Variants in MYL12A observed in about 807,000 individuals in gnomAD.
MYL12A encodes the protein myosin light chain 12A.
Under a neutral mutation model 13.3 loss-of-function variants are expected in MYL12A, and 11 were observed. The observed-to-expected ratio is 0.83, with a 90% CI of 0.52 to 1.37. The LOEUF (loss-of-function observed/expected upper bound fraction) is 1.37, where lower values mean the gene tolerates loss of function less well. Ranked by LOEUF, MYL12A falls within the 40% of genes most tolerant of loss-of-function variation. MYL12A has a pLI of 0.00. For synonymous variants in MYL12A, 51 were observed against 69.9 expected, an observed-to-expected ratio of 0.73 and a Z score of 1.35; for missense variants, 146 against 212.3, an observed-to-expected ratio of 0.69 and a Z score of 1.94.
intron 2 of MYL12A, 60 bp from the exon 3 acceptor site, chr18:3,253,829 C>A (rs1356642696): frequency 1.3e-6 from 2 of 1,489,310 alleles, no homozygotes; most frequent in South Asian, 2.5e-5. Context: ...TGTTTACTGT[C>A]ATTAATAGTT....
chr18:3,254,198 C>T, intron 3 of MYL12A, 148 bp downstream of exon 3: 2 of 926,698 alleles, frequency 2.2e-6, no homozygotes, highest in South Asian at 1.8e-5. Flanking sequence ...GTTTGTCACT[C>T]ACTTTGCTGC....
At chr18:3,252,235 C>A in intron 1 of MYL12A, 3 of 1,146,804 alleles carry the variant, frequency 2.6e-6, no homozygotes, top group Non-Finnish European at 3.7e-6. Flanking sequence ...TATTTTAGAC[C>A]TGCTTGGAAG....
intron 3 of MYL12A, 99 bp from the exon 4 acceptor site, chr18:3,255,647 G>A (rs2081529291): frequency 2.2e-6 from 3 of 1,374,914 alleles, no homozygotes; most frequent in Non-Finnish European, 2.9e-6. Flanking sequence ...CATGTTTATA[G>A]TTTGTAACAT....
chr18:3,255,638 A>G, intron 3 of MYL12A, 108 bp from the exon 4 acceptor site: 1 of 1,332,488 alleles, frequency 7.5e-7, no homozygotes, highest in Non-Finnish European at 1.0e-6. Flanking sequence ...ATATATTTGC[A>G]TGTTTATAGT....
At chr18:3,248,055 C>T (rs2081447662) in intron 1 of MYL12A, 146 bp downstream of exon 1, 1 of 152,198 alleles carries the variant, frequency 6.6e-6, no homozygotes, top group East Asian at 1.9e-4. Flanking sequence ...GATCCGAGGC[C>T]ATGGCTTGGA....
At chr18:3,252,546 A>C in intron 1 of MYL12A, 2 of 1,085,364 alleles carry the variant, frequency 1.8e-6, no homozygotes, top group Non-Finnish European at 2.5e-6. Flanking sequence ...ATTATTTTAA[A>C]AGCTTGTGCT....
intron 3 of MYL12A, 60 bp from the exon 4 acceptor site, chr18:3,255,686 T>C: frequency 1.3e-6 from 2 of 1,542,440 alleles, no homozygotes; most frequent in Non-Finnish European, 1.8e-6. Context: ...AGTATAGATA[T>C]TCTTTGTAAT....
chr18:3,251,143 A>C (rs1413800741), intron 1 of MYL12A, among the ~76,000 whole-genome samples: 2 of 108,862 alleles, frequency 1.8e-5, no homozygotes, highest in East Asian at 3.6e-4. Context: ...TGCTGACCCA[A>C]AAAAAAAAAA....
At chr18:3,252,275 G>A in intron 1 of MYL12A, 1 of 1,473,866 alleles carries the variant, frequency 6.8e-7, no homozygotes, top group Non-Finnish European at 9.1e-7. Flanking sequence ...TCTTACTTTT[G>A]CTGCTGAGCG....
Position 3,253,983 on chromosome 18 carries a change from G to A in MYL12A, c.276G>A (p.Lys92=). The A allele has an allele frequency of 6.2e-7, 1 of 1,613,938 alleles. No homozygotes were observed. The highest frequency in any genetic ancestry group is 8.5e-7 in the Non-Finnish European group (1 of 1,179,866). The change falls in exon 3 of 4, where the codon AAG becomes AAA. Residue 92 remains lysine, a synonymous_variant. Transcript: ENST00000217652. ...TGTTCCTCACCATGTTTGGTGAGAA[G>A]TTAAATGGCACAGATCCTGAAGATG... The part of the protein sequence containing the change: ...FTMFLTMFGE[K]LNGTDPEDVI...
At chr18:3,250,573 A>C (rs1009762479) in intron 1 of MYL12A, among the ~76,000 whole-genome samples, 2 of 152,238 alleles carry the variant, frequency 1.3e-5, no homozygotes, top group Non-Finnish European at 2.9e-5. Context: ...AAAATAACTC[A>C]TAGATCAGAA....
intron 1 of MYL12A, among the ~76,000 whole-genome samples, chr18:3,250,429 C>A (rs889373950): frequency 6.6e-6 from 1 of 152,182 alleles, no homozygotes; most frequent in Non-Finnish European, 1.5e-5. Context: ...TAGCACTGTT[C>A]CTGATTTGAC....
chr18:3,255,650 T>G, intron 3 of MYL12A, 96 bp from the exon 4 acceptor site: 1 of 1,394,816 alleles, frequency 7.2e-7, no homozygotes, highest in South Asian at 1.5e-5. Flanking sequence ...GTTTATAGTT[T>G]GTAACATACA....
chr18:3,252,249 A>G lies in MYL12A; in HGVS notation c.-15-984A>G, dbSNP rs1023768971. On this transcript the variant is annotated intron_variant, in intron 1 of 3. Coordinates refer to ENST00000217652, the MANE Select transcript of MYL12A (RefSeq NM_006471.4). ...CTATTTTAGACCTGCTTGGAAGAAT[A>G]TAACTCAATGCAGTGTCTTACTTTT... is the stretch of plus-strand genomic sequence containing the variant. 14 of 1,272,900 alleles carry G rather than the reference A, an allele frequency of 1.1e-5. No individual in the cohort carries two copies. In the Middle Eastern group the frequency reaches 7.3e-4, roughly 66 times the overall value. The allele number at this position is 1,272,900 out of a possible 1,614,324, so 78.9% of individuals were successfully genotyped here.
intron 2 of MYL12A, 111 bp from the exon 3 acceptor site, chr18:3,253,778 C>T: frequency 8.2e-7 from 1 of 1,219,800 alleles, no homozygotes; most frequent in African/African-American, 1.5e-5. Context: ...CTCATGAGTG[C>T]AAACAGTAAA....
chr18:3,255,603 T>C, intron 3 of MYL12A, 143 bp from the exon 4 acceptor site: 1 of 1,059,014 alleles, frequency 9.4e-7, no homozygotes. Flanking sequence ...GAGGCTGTTT[T>C]AAGTAGGTGG....
At chr18:3,254,390 C>G (rs1218340775) in intron 3 of MYL12A, among the ~76,000 whole-genome samples, 1 of 152,176 alleles carries the variant, frequency 6.6e-6, no homozygotes, top group Admixed American at 6.5e-5. Flanking sequence ...AGGCCATGCA[C>G]CACTACAATC....
At chr18:3,248,943 A>G (rs1478529975) in intron 1 of MYL12A, among the ~76,000 whole-genome samples, 1 of 151,920 alleles carries the variant, frequency 6.6e-6, no homozygotes, top group Non-Finnish European at 1.5e-5. Flanking sequence ...TTTTAAGTGC[A>G]TTGATTAAAT....
rs1226591650 is a variant in MYL12A at position 3,255,677 on chromosome 18, GT to G, written c.344-68del. 3.3e-6 allele frequency: 5 copies of G among 1,518,654 alleles called. No individual in the cohort carries two copies. In the African/African-American group the frequency reaches 7.0e-5, roughly 21 times the overall value. 94.1% of individuals were successfully genotyped at this position (1,518,654 alleles called of 1,614,324 possible). A position where few individuals can be genotyped will look rare whatever the true frequency, so the allele number is the denominator to read the frequency against. ...TAACATACAGAACATGCTTAGTCAA[GT>G]ATAGATATTCTTTGTAATTAACCCT... On this transcript the variant is annotated intron_variant, in intron 3 of 3. Transcript: ENST00000217652.
Sources: allele counts gnomAD v4.1 joint callset (sites outside exome capture counted in the v4.1 genomes callset), GRCh38; gene constraint gnomAD v4.1.1; transcripts MANE v1.5; gene names NCBI Gene and HGNC (gene_info 2026-07-23, HGNC 2026-07-21).